The following SIPA1L3 variants were observed in gnomAD, a reference collection of about 807,000 sequenced individuals.
SIPA1L3 encodes the protein signal induced proliferation associated 1 like 3, also known as signal-induced proliferation-associated 1-like protein 3.
A neutral mutation model predicts 150.1 loss-of-function variants in SIPA1L3; 59 were observed. That is an observed-to-expected ratio of 0.39 (90% CI 0.32 to 0.49). The LOEUF (loss-of-function observed/expected upper bound fraction) is 0.49, where lower values mean the gene tolerates loss of function less well. Among genes scored for constraint, SIPA1L3 ranks in the 20% least tolerant of loss-of-function variants. The probability of loss-of-function intolerance (pLI) is 0.86; values close to 1 mark genes in which losing one functional copy is unlikely to be tolerated. For synonymous variants in SIPA1L3, 1,070 were observed against 1,077.6 expected (o/e 0.99, Z 0.14); for missense variants, 2,211 against 2,489.5 (o/e 0.89, Z 2.38).
At chr19:37,977,683 G>C (rs1293554952) in intron 1 of SIPA1L3, among the ~76,000 whole-genome samples, 3 of 152,248 alleles carry the variant, frequency 2.0e-5, no homozygotes, top group African/African-American at 4.8e-5. Flanking sequence ...CCAGGCTCCA[G>C]GCAGGTCCAG....
intron 1 of SIPA1L3, among the ~76,000 whole-genome samples, chr19:37,956,034 A>G (rs1033872855): frequency 3.3e-5 from 5 of 152,248 alleles, no homozygotes; most frequent in Non-Finnish European, 5.9e-5. Context: ...GCTGGAGTAC[A>G]ATGGCTATTC....
At chr19:38,010,681 A>G (rs566314234) in intron 1 of SIPA1L3, among the ~76,000 whole-genome samples, 7 of 152,256 alleles carry the variant, frequency 4.6e-5, no homozygotes, top group Admixed American at 1.3e-4. Flanking sequence ...ATTGCACTCC[A>G]GCCCGGGCAA....
intron 1 of SIPA1L3, among the ~76,000 whole-genome samples, chr19:37,950,079 A>T (rs1348660294): frequency 2.1e-5 from 3 of 145,114 alleles, no homozygotes; most frequent in Non-Finnish European, 4.5e-5. Flanking sequence ...TGTGTCTCAA[A>T]AAAAAAAAAA....
chr19:38,175,615 C>CCCAGGGA (rs1972419679), intron 15 of SIPA1L3, among the ~76,000 whole-genome samples: 1 of 152,156 alleles, frequency 6.6e-6, no homozygotes, highest in Non-Finnish European at 1.5e-5. Context: ...GAGCCCAGAG[C>CCCAGGGA]CCAGGGACCC....
At chr19:38,076,480 A>G (rs1439176427) in intron 2 of SIPA1L3, among the ~76,000 whole-genome samples, 2 of 152,146 alleles carry the variant, frequency 1.3e-5, no homozygotes, top group Non-Finnish European at 2.9e-5. Context: ...GTGAGTATCC[A>G]TTTGAAACAC....
At chr19:38,026,796 G>A (rs536543395) in intron 1 of SIPA1L3, among the ~76,000 whole-genome samples, 4 of 152,296 alleles carry the variant, frequency 2.6e-5, no homozygotes, top group Non-Finnish European at 5.9e-5. Flanking sequence ...TCGCTACCCT[G>A]TAACTGAAAT....
intron 2 of SIPA1L3, among the ~76,000 whole-genome samples, chr19:38,034,912 G>T (rs546422023): frequency 2.0e-5 from 3 of 152,264 alleles, no homozygotes; most frequent in East Asian, 3.9e-4. Context: ...TCCCCTGCCC[G>T]TCCCTGTAGA....
At chr19:38,202,136 C>A (rs926134742) in intron 20 of SIPA1L3, 139 bp downstream of exon 20, 2 of 761,602 alleles carry the variant, frequency 2.6e-6, no homozygotes, top group African/African-American at 3.5e-5. Context: ...CTACTCCCCC[C>A]TCCTAACAGA....
At chr19:38,179,990 C>G (rs915308682) in intron 15 of SIPA1L3, among the ~76,000 whole-genome samples, 19 of 152,254 alleles carry the variant, frequency 1.2e-4, no homozygotes, top group African/African-American at 4.6e-4. Context: ...TTACAGGTGC[C>G]CGCCACCACT....
At chr19:37,926,504 C>T (rs2046504913) in intron 1 of SIPA1L3, among the ~76,000 whole-genome samples, 6 of 152,090 alleles carry the variant, frequency 3.9e-5, no homozygotes, top group African/African-American at 1.4e-4. Context: ...CTCTGGAACC[C>T]GTGGGCATTC....
At chr19:38,171,468 C>T (rs2145999239) in intron 15 of SIPA1L3, among the ~76,000 whole-genome samples, 1 of 147,152 alleles carries the variant, frequency 6.8e-6, no homozygotes, top group East Asian at 2.0e-4. Flanking sequence ...TCTCAGCTCA[C>T]TGCAACCTCT....
At chr19:38,202,020 C>G in intron 20 of SIPA1L3, 23 bp downstream of exon 20, 2 of 1,593,872 alleles carry the variant, frequency 1.3e-6, no homozygotes, top group East Asian at 2.2e-5. Flanking sequence ...TGGGAACACC[C>G]GGGTTCATAC....
chr19:38,139,880 A>G (rs1190101288), intron 10 of SIPA1L3, among the ~76,000 whole-genome samples: 1 of 152,160 alleles, frequency 6.6e-6, no homozygotes, highest in Non-Finnish European at 1.5e-5. Context: ...GTCCAAATAC[A>G]GCAGAAGAGA....
intron 2 of SIPA1L3, among the ~76,000 whole-genome samples, chr19:38,079,264 C>T (rs371860437): frequency 2.2e-4 from 33 of 152,290 alleles, no homozygotes; most frequent in African/African-American, 7.0e-4. Context: ...ACCCAGGAGG[C>T]GGAGCTTGCA....
At chr19:38,154,763 ATTT>A (rs372517508) in intron 13 of SIPA1L3, among the ~76,000 whole-genome samples, 4 of 129,726 alleles carry the variant, frequency 3.1e-5, no homozygotes, top group Admixed American at 7.8e-5. Flanking sequence ...TTTATTATTC[ATTT>A]TTTTTTTTTT....
intron 1 of SIPA1L3, among the ~76,000 whole-genome samples, chr19:37,996,381 C>A (rs1055204456): frequency 2.0e-5 from 3 of 152,046 alleles, no homozygotes; most frequent in African/African-American, 7.2e-5. Flanking sequence ...GGGAGCCCAG[C>A]CTTTATTGTT....
At position 38,152,825 on chromosome 19, in the gene SIPA1L3, TCTC is replaced by T. The variant is rs1194005589; in HGVS notation, c.3534-14_3534-12del. 2 of 1,602,250 alleles carry T rather than the reference TCTC, an allele frequency of 1.2e-6. No individual in the cohort carries two copies. Among genetic ancestry groups the T allele is most frequent in the African/African-American group, 1.3e-5 (1 of 74,718 alleles). On this transcript the variant is annotated splice_polypyrimidine_tract_variant and intron_variant, in intron 12 of 21. Transcript: ENST00000222345. ...TGATCTTTAACCCTGGGCACGTTCTTCTCATCCCCTGCAGGTACACGGCTGCCC... is the reference window on the plus strand; with the variant it reads ...TGATCTTTAACCCTGGGCACGTTCTTATCCCCTGCAGGTACACGGCTGCCC...
chr19:38,153,943 A>G (rs1320794501), intron 13 of SIPA1L3, among the ~76,000 whole-genome samples: 5 of 151,872 alleles, frequency 3.3e-5, no homozygotes, highest in African/African-American at 1.2e-4. Context: ...CAGAAAAAAA[A>G]AGAAAAGAGC....
intron 2 of SIPA1L3, among the ~76,000 whole-genome samples, chr19:38,038,313 C>A (rs12973690): frequency 0.052 from 7,844 of 152,140 alleles, 293 homozygotes; most frequent in East Asian, 0.1. Context: ...CATGTGCAGG[C>A]CAGACGAGGT....
Sources: gnomAD v4.1 joint callset for allele counts (sites outside exome capture counted in the v4.1 genomes callset) on GRCh38, gnomAD v4.1.1 for gene constraint, MANE v1.5 for transcripts, NCBI Gene and HGNC (gene_info 2026-07-23, HGNC 2026-07-21) for gene names.